The following MYO7A variants were observed in gnomAD, a reference collection of about 807,000 sequenced individuals.
The protein encoded by MYO7A is unconventional myosin-VIIa.
MYO7A carries 210 observed loss-of-function variants against 263.8 expected under a neutral mutation model. That is an observed-to-expected ratio of 0.80 (90% CI 0.71 to 0.89). MYO7A has a LOEUF of 0.89. MYO7A is among the 40% of genes least tolerant of loss of function. MYO7A has a pLI of 0.00. For synonymous variants in MYO7A, 1,239 were observed against 1,197.3 expected, an observed-to-expected ratio of 1.03 and a Z score of -0.72; for missense variants, 2,820 against 2,968.3, an observed-to-expected ratio of 0.95 and a Z score of 1.16.
chr11:77,164,601 G>A (rs1251153594), intron 14 of MYO7A, among the ~76,000 whole-genome samples: 1 of 152,186 alleles, frequency 6.6e-6, no homozygotes, highest in Non-Finnish European at 1.5e-5. Flanking sequence ...TTGGAAGAAG[G>A]AAGCAGACAT....
intron 15 of MYO7A, among the ~76,000 whole-genome samples, chr11:77,170,674 G>T (rs1954007113): frequency 6.6e-6 from 1 of 152,106 alleles, no homozygotes; most frequent in South Asian, 2.1e-4. Flanking sequence ...GTGGCTCTCG[G>T]CTGTCCCACT....
chr11:77,147,929 C>A lies in MYO7A; in HGVS notation c.264C>A (p.Arg88=). ...EAGILRNLLI[R]YRDHLIYTYT... ...GCATCTTGCGCAACCTGCTTATCCG[C>A]TACCGGGACCACCTCATCTACGTGA... is the stretch of plus-strand genomic sequence containing the variant. Residue 88 remains arginine, a synonymous_variant, in exon 4 of 49, where the codon CGC becomes CGA. Transcript: ENST00000409709. 6.4e-7 allele frequency: 1 copy of A among 1,558,224 alleles called. No homozygotes were observed.
chr11:77,148,459 C>G (rs1465151274), intron 4 of MYO7A, among the ~76,000 whole-genome samples: 1 of 152,198 alleles, frequency 6.6e-6, no homozygotes. Context: ...CACACACACA[C>G]CACTCTCCTC....
At chr11:77,211,362 A>C in intron 45 of MYO7A, 25 bp downstream of exon 45, 3 of 1,560,368 alleles carry the variant, frequency 1.9e-6, no homozygotes, top group Non-Finnish European at 2.6e-6. Flanking sequence ...GGCATCGGGA[A>C]TGGTGGGGCC....
At chr11:77,168,584 C>G (rs1389127051) in intron 15 of MYO7A, among the ~76,000 whole-genome samples, 2 of 152,082 alleles carry the variant, frequency 1.3e-5, no homozygotes, top group Admixed American at 1.3e-4. Context: ...TGCTTAAGGC[C>G]AGGAGTTCAA....
At chr11:77,179,612 C>G (rs1418791808) in intron 20 of MYO7A, 123 bp from the exon 21 acceptor site, 1 of 809,804 alleles carries the variant, frequency 1.2e-6, no homozygotes, top group African/African-American at 1.7e-5. Flanking sequence ...TGAGAGGAGA[C>G]TGGGCCACGC....
At chr11:77,182,724 C>A in intron 25 of MYO7A, 124 bp downstream of exon 25, 1 of 1,031,036 alleles carries the variant, frequency 9.7e-7, no homozygotes, top group Non-Finnish European at 1.4e-6. Context: ...CTCACCGACC[C>A]CTGCCTGCCA....
chr11:77,171,242 G>A (rs1954058971), intron 15 of MYO7A, among the ~76,000 whole-genome samples: 2 of 152,290 alleles, frequency 1.3e-5, no homozygotes, highest in Admixed American at 6.5e-5. Context: ...GGTTGTGTGT[G>A]TGTTGTGTGT....
At chr11:77,131,133 G>GC (rs1950754876) in intron 2 of MYO7A, among the ~76,000 whole-genome samples, 1 of 152,194 alleles carries the variant, frequency 6.6e-6, no homozygotes, top group Non-Finnish European at 1.5e-5. Flanking sequence ...GAGTCCTCCA[G>GC]CCCCCCTTCC....
chr11:77,201,405 G>A (rs1336617593), intron 35 of MYO7A, 43 bp from the exon 36 acceptor site: 1 of 1,574,412 alleles, frequency 6.4e-7, no homozygotes, highest in Non-Finnish European at 8.7e-7. Context: ...TTCCAACTCA[G>A]CCTGTCTCTG....
chr11:77,140,364 T>C (rs1434190455), intron 2 of MYO7A, among the ~76,000 whole-genome samples: 1 of 152,170 alleles, frequency 6.6e-6, no homozygotes, highest in Non-Finnish European at 1.5e-5. Flanking sequence ...GCCCAGGGAA[T>C]GTCAGGAAAG....
At chr11:77,169,879 C>T (rs1953917301) in intron 15 of MYO7A, among the ~76,000 whole-genome samples, 1 of 152,020 alleles carries the variant, frequency 6.6e-6, no homozygotes, top group African/African-American at 2.4e-5. Context: ...AGTTCAAGAC[C>T]AGCCTTGGCA....
chr11:77,156,888 A>G lies in MYO7A; in HGVS notation c.619A>G (p.Asn207Asp). 1.2e-6 allele frequency: 2 copies of G among 1,614,006 alleles called. No homozygotes were observed. Among genetic ancestry groups the G allele is most frequent in the Non-Finnish European group, 1.7e-6 (2 of 1,179,904 alleles). ...EAFGNAKTIR[N>D]DNSSRFGKYI... ...ATTTGGGAATGCCAAGACCATCCGC[A>G]ATGACAACTCAAGCCGTTTCGGAAA... The change falls in exon 7 of 49, where the codon AAT (asparagine) becomes GAT (aspartate). Residue 207 changes from asparagine (N) to aspartate (D), a missense_variant. Transcript: ENST00000409709.
intron 41 of MYO7A, 187 bp from the exon 42 acceptor site, chr11:77,207,102 G>C: frequency 1.9e-6 from 1 of 520,264 alleles, no homozygotes; most frequent in Non-Finnish European, 3.4e-6. Flanking sequence ...TCGGGAGGAG[G>C]AGACCTGGGA....
chr11:77,151,574 A>T (rs797038033), intron 4 of MYO7A, among the ~76,000 whole-genome samples: 8 of 152,202 alleles, frequency 5.3e-5, no homozygotes, highest in African/African-American at 1.9e-4. Flanking sequence ...ACCCCTAGGG[A>T]CCACACGTGC....
At chr11:77,147,700 T>C in intron 3 of MYO7A, 98 bp from the exon 4 acceptor site, 1 of 1,500,452 alleles carries the variant, frequency 6.7e-7, no homozygotes, top group African/African-American at 1.4e-5. Context: ...CTTACCCGGG[T>C]TGGCACTCAC....
chr11:77,171,477 A>G (rs187506910), intron 15 of MYO7A, among the ~76,000 whole-genome samples: 5 of 152,224 alleles, frequency 3.3e-5, no homozygotes, highest in Admixed American at 2.6e-4. Flanking sequence ...TCCAAATACA[A>G]TGCAGTTGGA....
intron 41 of MYO7A, 41 bp from the exon 42 acceptor site, chr11:77,207,248 G>C: frequency 6.8e-7 from 1 of 1,469,116 alleles, no homozygotes; most frequent in Non-Finnish European, 9.4e-7. Context: ...CAGGTCCCGG[G>C]AAAGGCCCTG....
intron 21 of MYO7A, 107 bp downstream of exon 21, chr11:77,180,060 G>C: frequency 8.4e-7 from 1 of 1,186,782 alleles, no homozygotes; most frequent in Non-Finnish European, 1.2e-6. Flanking sequence ...GGGGGGACCT[G>C]CAGTTATGCC....
Sources: allele counts gnomAD v4.1 joint callset (sites outside exome capture counted in the v4.1 genomes callset), GRCh38; gene constraint gnomAD v4.1.1; transcripts MANE v1.5; gene names NCBI Gene and HGNC (gene_info 2026-07-23, HGNC 2026-07-21).